LRIG3: variants seen among roughly 807,000 people sequenced by gnomAD.
The protein encoded by LRIG3 is leucine-rich repeats and immunoglobulin-like domains protein 3.
LRIG3 carries 76 observed loss-of-function variants against 114.5 expected under a neutral mutation model. The ratio of observed to expected loss-of-function variants is 0.66; its 90% CI spans 0.55 to 0.80. LRIG3 has a LOEUF of 0.80. LRIG3 is among the 30% of genes least tolerant of loss of function. LRIG3 has a pLI of 0.00. For synonymous variants in LRIG3, 512 were observed against 519.8 expected (o/e 0.98, Z 0.20); for missense variants, 1,239 against 1,382.8 (o/e 0.90, Z 1.65).
chr12:58,909,033 C>T (rs922974362), intron 3 of LRIG3, among the ~76,000 whole-genome samples: 1 of 152,188 alleles, frequency 6.6e-6, no homozygotes, highest in East Asian at 1.9e-4. Context: ...CAGAAACACA[C>T]ACAACTCCCT....
At chr12:58,897,749 T>C (rs1871693765) in intron 3 of LRIG3, among the ~76,000 whole-genome samples, 1 of 152,222 alleles carries the variant, frequency 6.6e-6, no homozygotes, top group African/African-American at 2.4e-5. Context: ...AAAGAAAACA[T>C]TGAAAAAATA....
At chr12:58,887,997 C>A in intron 7 of LRIG3, 65 bp from the exon 8 acceptor site, 1 of 1,479,390 alleles carries the variant, frequency 6.8e-7, no homozygotes, top group Non-Finnish European at 9.3e-7. Flanking sequence ...ATTTGTTTTC[C>A]AAAAGACAGG....
Position 58,914,339 on chromosome 12 carries a change from A to C in LRIG3, c.237-3T>G. 6.2e-7 allele frequency: 1 copy of C among 1,610,072 alleles called. No individual in the cohort carries two copies. Among genetic ancestry groups the C allele is most frequent in the Non-Finnish European group, 8.5e-7 (1 of 1,176,902 alleles). Reference sequence around the variant, plus strand: ...ATAATCTGTTGTGACTTAAGTCCCTATAAGAAAACAAAAATAAAATTATAA... The same window carrying C: ...ATAATCTGTTGTGACTTAAGTCCCTCTAAGAAAACAAAAATAAAATTATAA... On this transcript the variant is annotated splice_polypyrimidine_tract_variant and splice_region_variant and intron_variant, in intron 1 of 18. Transcript: ENST00000320743.
At position 58,874,308 on chromosome 12, in the gene LRIG3, T is replaced by C; in HGVS notation, c.2862A>G (p.Thr954=). The change falls in exon 18 of 19, where the codon ACA becomes ACG. Residue 954 remains threonine (T), a synonymous_variant. Transcript: ENST00000320743. ...TGGGCTCATAGTGGTCCATTAAAAC[T>C]GTTCTTGGGTCAGGACTGCAACCTT... ...YHTGCSPDPR[T]VLMDHYEPSY... 6.2e-7 allele frequency: 1 copy of C among 1,611,898 alleles called. No individual in the cohort carries two copies. Among genetic ancestry groups the C allele is most frequent in the African/African-American group, 1.3e-5 (1 of 74,850 alleles).
At chr12:58,908,381 A>G (rs1026365915) in intron 3 of LRIG3, among the ~76,000 whole-genome samples, 6 of 152,214 alleles carry the variant, frequency 3.9e-5, no homozygotes, top group Admixed American at 1.3e-4. Flanking sequence ...GGCCTGTCAA[A>G]GTAGTTCAGA....
intron 3 of LRIG3, among the ~76,000 whole-genome samples, chr12:58,893,469 TAA>T (rs1871523579): frequency 1.3e-5 from 2 of 152,368 alleles, no homozygotes; most frequent in African/African-American, 2.4e-5. Context: ...CAGATTCTCA[TAA>T]AGTCTTAGAG....
chr12:58,895,517 A>G (rs912423755), intron 3 of LRIG3, among the ~76,000 whole-genome samples: 2 of 152,178 alleles, frequency 1.3e-5, no homozygotes, highest in African/African-American at 4.8e-5. Context: ...GGCTAAGTAC[A>G]GAGTGCACGG....
chr12:58,875,300 G>A (rs1870879530), intron 16 of LRIG3, among the ~76,000 whole-genome samples: 1 of 152,014 alleles, frequency 6.6e-6, no homozygotes, highest in African/African-American at 2.4e-5. Flanking sequence ...AATGAGCTTG[G>A]GTCTCCACTC....
rs530832708 is a variant in LRIG3, at chr12:58,900,285, CT to C, written c.384-9490del. ...AAGCCACTTTGAGGTTCTCAAGCAC[CT>C]TTTTTTTTTTTTTGATCAACTTCAC... is the stretch of plus-strand genomic sequence containing the variant. On this transcript the variant is annotated intron_variant, in intron 3 of 18. Transcript: ENST00000320743. Among the ~76,000 whole-genome samples, 766 of 141,838 alleles carry C rather than the reference CT, an allele frequency of 5.4e-3. 3 individuals carry two copies. Among genetic ancestry groups the C allele is most frequent in the African/African-American group, 9.8e-3 (383 of 39,018 alleles). The allele number at this position is 141,838 out of a possible 152,430, so 93.1% of individuals were successfully genotyped here.
Position 58,877,781 on chromosome 12 carries a change from T to C in LRIG3, c.2155A>G (p.Ile719Val), listed in dbSNP as rs1207051144. 6.2e-7 allele frequency: 1 copy of C among 1,614,214 alleles called. No individual in the cohort carries two copies. The highest frequency in any genetic ancestry group is 8.5e-7 in the Non-Finnish European group (1 of 1,180,036). ...TKGETAVLQC[I>V]AGGSPPPKLN... Reference sequence around the variant, plus strand: ...TTAGGGGGAGGGCTTCCTCCAGCAATGCACTGTAGGACGGCTGTTTCTCCC... The same window carrying C: ...TTAGGGGGAGGGCTTCCTCCAGCAACGCACTGTAGGACGGCTGTTTCTCCC... The change falls in exon 15 of 19, where the codon ATT becomes GTT. Residue 719 changes from isoleucine to valine, a missense_variant. Physicochemically the swap from Ile to Val is conservative, Grantham distance 29. Transcript: ENST00000320743.
intron 3 of LRIG3, among the ~76,000 whole-genome samples, chr12:58,904,809 G>A (rs2120959377): frequency 6.6e-6 from 1 of 152,272 alleles, no homozygotes; most frequent in Non-Finnish European, 1.5e-5. Context: ...TGCCAGGGTT[G>A]CAATGGAGAA....
chr12:58,880,452 T>G, intron 13 of LRIG3, 129 bp downstream of exon 13: 2 of 906,230 alleles, frequency 2.2e-6, no homozygotes, highest in Non-Finnish European at 3.5e-6. Flanking sequence ...GAATGAAAGG[T>G]AGGGAAAGGA....
rs1268731351 is a variant in LRIG3 at position 58,878,927 on chromosome 12, C to T, written c.1980G>A (p.Val660=). ...CTATCTTCACATCCACGATAAAGAA[C>T]ACGTCATCCTCGGGCATCACATGCA... ...RRMHVMPEDD[V]FFIVDVKIED... The change falls in exon 14 of 19, where the codon GTG becomes GTA. Residue 660 remains valine (V), a synonymous_variant. Transcript: ENST00000320743. The T allele has an allele frequency of 1.9e-6, 3 of 1,614,078 alleles. No individual in the cohort carries two copies. The highest frequency in any genetic ancestry group is 2.5e-6 in the Non-Finnish European group (3 of 1,180,050).
At chr12:58,884,354 G>T (rs982765624) in intron 10 of LRIG3, among the ~76,000 whole-genome samples, 2 of 152,098 alleles carry the variant, frequency 1.3e-5, no homozygotes, top group Non-Finnish European at 1.5e-5. Context: ...CTTTACAGGG[G>T]TCACAGTATA....
chr12:58,901,518 C>A (rs1361272109), intron 3 of LRIG3, among the ~76,000 whole-genome samples: 2 of 152,148 alleles, frequency 1.3e-5, no homozygotes, highest in Non-Finnish European at 2.9e-5. Flanking sequence ...ACACTAGCCA[C>A]ATTTTAAGTG....
At chr12:58,915,411 C>T (rs1872442467) in intron 1 of LRIG3, among the ~76,000 whole-genome samples, 1 of 152,000 alleles carries the variant, frequency 6.6e-6, no homozygotes, top group African/African-American at 2.4e-5. Context: ...TAAGTACACC[C>T]CTCCTAAAAA....
intron 3 of LRIG3, 23 bp from the exon 4 acceptor site, chr12:58,890,819 T>A (rs769883664): frequency 6.3e-7 from 1 of 1,589,896 alleles, no homozygotes; most frequent in African/African-American, 1.4e-5. Flanking sequence ...GAAACCACAG[T>A]TAACAAGGTT....
At chr12:58,891,736 A>G (rs1377693085) in intron 3 of LRIG3, among the ~76,000 whole-genome samples, 2 of 152,214 alleles carry the variant, frequency 1.3e-5, no homozygotes, top group Non-Finnish European at 2.9e-5. Context: ...CATAAGAAGA[A>G]CACTCCAGTT....
rs748691256 is a variant in LRIG3 at position 58,886,115 on chromosome 12, G to A, written c.1173-213C>T. 3.9e-5 allele frequency among the ~76,000 whole-genome samples: 6 copies of A among 152,084 alleles called. No homozygotes were observed. The East Asian group carries it at 9.6e-4, about 24-fold the overall frequency. On this transcript the variant is annotated intron_variant, in intron 9 of 18. Coordinates refer to ENST00000320743, the MANE Select transcript of LRIG3 (RefSeq NM_153377.5). ...TTCAACAAAGAGCCCAACAAAAATA[G>A]GTATTCAGTAAGTCACTCTGCTGAT...
Sources: gnomAD v4.1 joint callset for allele counts (sites outside exome capture counted in the v4.1 genomes callset) on GRCh38, gnomAD v4.1.1 for gene constraint, MANE v1.5 for transcripts, NCBI Gene and HGNC (gene_info 2026-07-23, HGNC 2026-07-21) for gene names.